Variants in KIF7 observed in about 807,000 individuals in gnomAD.
The protein encoded by KIF7 is kinesin-like protein KIF7.
KIF7 carries 104 observed loss-of-function variants against 135.7 expected under a neutral mutation model. The observed-to-expected ratio is 0.77, with a 90% CI of 0.65 to 0.90. The LOEUF (loss-of-function observed/expected upper bound fraction) is 0.90. Among genes scored for constraint, KIF7 ranks in the 40% least tolerant of loss-of-function variants. The pLI is 0.00. For synonymous variants in KIF7, 883 were observed against 809.4 expected, an observed-to-expected ratio of 1.09 and a Z score of -1.54; for missense variants, 2,005 against 1,839.1, an observed-to-expected ratio of 1.09 and a Z score of -1.65.
chr15:89,644,915 C>T (rs1313167237), intron 10 of KIF7, 98 bp downstream of exon 10: 12 of 1,521,974 alleles, frequency 7.9e-6, no homozygotes, highest in Non-Finnish European at 9.0e-6. Context: ...GGCCCCTGCT[C>T]CTAACCACCT....
In KIF7 at chr15:89,632,930, G is replaced by C. The variant is rs964966183; in HGVS notation, c.2785C>G (p.Leu929Val). ...TGGAGCTCCTCCCCCAGCTCCTCCA[G>C]CGCCCGCCGCTGCTGTAGCACCTTC... is the stretch of plus-strand genomic sequence containing the variant. Reference protein sequence around the residue: ...MEKVLQQRRALEELGEELHKR... With the variant: ...MEKVLQQRRAVEELGEELHKR... Residue 929 changes from leucine to valine, a missense_variant, in exon 14 of 19, where the codon CTG becomes GTG. Coordinates refer to ENST00000394412, the MANE Select transcript of KIF7 (RefSeq NM_198525.3). 6.3e-7 allele frequency: 1 copy of C among 1,593,520 alleles called. No homozygotes were observed. The highest frequency in any genetic ancestry group is 8.5e-7 in the Non-Finnish European group (1 of 1,170,468).
intron 1 of KIF7, among the ~76,000 whole-genome samples, chr15:89,622,829 G>A (rs1013456333): frequency 6.6e-6 from 1 of 152,154 alleles, no homozygotes; most frequent in Non-Finnish European, 1.5e-5. Context: ...CTTTTCCTGT[G>A]TTTGCCTTCC....
downstream of KIF7, chr15:89,625,904 G>T (rs1382733769): frequency 2.6e-6 from 4 of 1,545,672 alleles, no homozygotes; most frequent in South Asian, 3.9e-5. Flanking sequence ...GGGGTCTGGG[G>T]ACGCTGCTCT....
At chr15:89,635,610 G>T (rs1963789655) in intron 11 of KIF7, among the ~76,000 whole-genome samples, 1 of 152,196 alleles carries the variant, frequency 6.6e-6, no homozygotes, top group Non-Finnish European at 1.5e-5. Flanking sequence ...AATGAAGCGA[G>T]AAGGGAAGTT....
intron 11 of KIF7, among the ~76,000 whole-genome samples, chr15:89,639,163 T>C (rs1234860065): frequency 6.6e-6 from 1 of 152,036 alleles, no homozygotes; most frequent in East Asian, 1.9e-4. Flanking sequence ...AAGACTTAAA[T>C]GTTAGACCTA....
At position 89,629,462 on chromosome 15, in the gene KIF7, G is replaced by A. The variant is rs571807299; in HGVS notation, c.3430C>T (p.Arg1144Trp). 20 of 1,609,806 alleles carry A rather than the reference G, an allele frequency of 1.2e-5. No individual in the cohort carries two copies. Among genetic ancestry groups the A allele is most frequent in the Admixed American group, 5.0e-5 (3 of 60,002 alleles). The change falls in exon 17 of 19, where the codon CGG becomes TGG. Residue 1144 changes from arginine (R) to tryptophan (W), a missense_variant. By Grantham distance (101) the Arg-to-Trp change is moderately radical. Transcript: ENST00000394412. ...LVYWLEVALE[R>W]QRLEMDRQLT... The stretch of plus-strand genomic sequence containing the variant: ...TGGCGGTCCATCTCCAGGCGCTGCC[G>A]CTCCAGGGCCACCTCCAGCCAGTAC...
chr15:89,648,676 T>C lies in KIF7; in HGVS notation c.1022A>G (p.Asn341Ser), dbSNP rs757699508. The change falls in exon 5 of 19, where the codon AAC becomes AGC. Residue 341 changes from asparagine (N) to serine (S), a missense_variant. By Grantham distance (46) the Asn-to-Ser change is conservative. Coordinates refer to ENST00000394412, the MANE Select transcript of KIF7 (RefSeq NM_198525.3). Reference sequence around the variant, plus strand: ...GATGTTCTGGGCGCGGCTGGCGTAGTTGAGGGTGTTGAGGGTCTCGTCGAA... The same window carrying C: ...GATGTTCTGGGCGCGGCTGGCGTAGCTGAGGGTGTTGAGGGTCTCGTCGAA... ...SDFDETLNTL[N>S]YASRAQNIRN... 5 of 1,535,324 alleles carry C rather than the reference T, an allele frequency of 3.3e-6. No individual in the cohort carries two copies. The African/African-American group carries it at 4.1e-5, about 13-fold the overall frequency.
intron 1 of KIF7, among the ~76,000 whole-genome samples, chr15:89,653,474 GC>G (rs1964157267): frequency 6.6e-6 from 1 of 152,142 alleles, no homozygotes; most frequent in African/African-American, 2.4e-5. Flanking sequence ...CCATTCTGTT[GC>G]TAAAGCCCTG....
intron 11 of KIF7, among the ~76,000 whole-genome samples, chr15:89,640,381 G>C (rs1409481515): frequency 6.6e-6 from 1 of 152,110 alleles, no homozygotes; most frequent in African/African-American, 2.4e-5. Flanking sequence ...CACACTAAGA[G>C]CTCTGTGTAT....
At chr15:89,662,309 C>A in the KIF7 span, among the ~76,000 whole-genome samples, 1 of 151,956 alleles carries the variant, frequency 6.6e-6, no homozygotes, top group East Asian at 2.0e-4. Context: ...CCAGCCTGGA[C>A]AACATGGTGA....
At chr15:89,648,799 CA>C in intron 4 of KIF7, 25 bp from the exon 5 acceptor site, 1 of 1,523,618 alleles carries the variant, frequency 6.6e-7, no homozygotes, top group Non-Finnish European at 8.8e-7. Flanking sequence ...GGGAGGCTCT[CA>C]GGGGCCCCGA....
At chr15:89,661,782 C>T in the KIF7 span, among the ~76,000 whole-genome samples, 4 of 151,386 alleles carry the variant, frequency 2.6e-5, no homozygotes, top group South Asian at 2.1e-4. Context: ...AGTGCAATGG[C>T]GTGATCTTGG....
chr15:89,641,987 G>C (rs1321740941), intron 11 of KIF7, among the ~76,000 whole-genome samples: 1 of 152,112 alleles, frequency 6.6e-6, no homozygotes, highest in Non-Finnish European at 1.5e-5. Flanking sequence ...TGCTCTCCCA[G>C]GTGGTCTTCA....
At chr15:89,635,922 C>T (rs1283737691) in intron 11 of KIF7, among the ~76,000 whole-genome samples, 1 of 151,870 alleles carries the variant, frequency 6.6e-6, no homozygotes, top group Non-Finnish European at 1.5e-5. Context: ...TAAGGGCAGC[C>T]AGAGAGAAAG....
Position 89,631,548 on chromosome 15 carries a change from G to A in KIF7, c.3058C>T (p.Gln1020Ter). 1 of 1,582,292 alleles carries A rather than the reference G, an allele frequency of 6.3e-7. No individual in the cohort carries two copies. Among genetic ancestry groups the A allele is most frequent in the Non-Finnish European group, 8.6e-7 (1 of 1,163,168 alleles). Residue 1020 changes from glutamine (Q) to a stop codon, truncating the protein, a stop_gained, in exon 15 of 19, where the codon CAG becomes TAG. Transcript: ENST00000394412. LOFTEE classifies it high-confidence loss of function. The stretch of plus-strand genomic sequence containing the variant: ...AGCTTGCCGTCGATCTCCAGGCGCT[G>A]CTTGAGCAGCGAGTCCTTCTCCTGG... Reference protein sequence around the residue: ...LRQEKDSLLKQRLEIDGKLRQ... With the variant: ...LRQEKDSLLK
At chr15:89,620,475 T>C (rs1015358547) in intron 1 of KIF7, among the ~76,000 whole-genome samples, 4 of 152,174 alleles carry the variant, frequency 2.6e-5, no homozygotes, top group African/African-American at 9.7e-5. Context: ...CCCAAAGTGC[T>C]GGGATTACAA....
chr15:89,626,166 T>C, downstream of KIF7: 3 of 1,407,084 alleles, frequency 2.1e-6, no homozygotes, highest in South Asian at 1.4e-5. Context: ...GAGTGCCAAG[T>C]GTGGGATAGG....
downstream of KIF7, chr15:89,624,190 A>C (rs1359009776): frequency 1.2e-6 from 2 of 1,614,152 alleles, no homozygotes; most frequent in East Asian, 4.5e-5. Context: ...AACTCCAAAA[A>C]GACCAGGGAA....
rs372323903 is a variant in KIF7 at position 89,630,271 on chromosome 15, T to G, written c.3318+16A>C. The G allele has an allele frequency of 6.2e-7, 1 of 1,613,100 alleles. No individual in the cohort carries two copies. The highest frequency in any genetic ancestry group is 1.7e-4 in the Middle Eastern group (1 of 6,060). On this transcript the variant is annotated intron_variant, in intron 16 of 18. Coordinates refer to ENST00000394412, the MANE Select transcript of KIF7 (RefSeq NM_198525.3). ...CCGCTGAGGAGGAGCTGGGGGGCCA[T>G]GGGCTGCTGGCCCACCTTGTCAAAA...
Sources: allele counts gnomAD v4.1 joint callset (sites outside exome capture counted in the v4.1 genomes callset), GRCh38; gene constraint gnomAD v4.1.1; transcripts MANE v1.5; gene names NCBI Gene and HGNC (gene_info 2026-07-23, HGNC 2026-07-21).